MAP2K4: variants seen among roughly 807,000 people sequenced by gnomAD.
MAP2K4 encodes the protein mitogen-activated protein kinase kinase 4, also known as dual specificity mitogen-activated protein kinase kinase 4.
MAP2K4 carries 4 observed loss-of-function variants against 48.5 expected under a neutral mutation model. That is an observed-to-expected ratio of 0.08 (90% confidence interval 0.04 to 0.19). MAP2K4 has a LOEUF of 0.19. Among genes scored for constraint, MAP2K4 ranks in the 10% least tolerant of loss-of-function variants. The pLI is 1.00. For missense variants in MAP2K4, 258 were observed against 493.3 expected, an observed-to-expected ratio of 0.52 and a Z score of 4.52; for synonymous variants, 166 against 173.1, an observed-to-expected ratio of 0.96 and a Z score of 0.32.
At chr17:12,050,210 CGGCAGGG>C (rs1024161383) in intron 1 of MAP2K4, among the ~76,000 whole-genome samples, 19 of 151,982 alleles carry the variant, frequency 1.3e-4, no homozygotes, top group African/African-American at 2.9e-4. Context: ...CATTAGATGG[CGGCAGGG>C]GGCAGGGGGC....
At chr17:12,139,813 A>G (rs752294952) in intron 9 of MAP2K4, 26 bp from the exon 10 acceptor site, 2 of 1,500,006 alleles carry the variant, frequency 1.3e-6, no homozygotes, top group African/African-American at 1.4e-5. Flanking sequence ...CTACATTTTA[A>G]TAATGTTATT....
chr17:12,046,191 C>A (rs1474070990), intron 1 of MAP2K4, among the ~76,000 whole-genome samples: 1 of 152,138 alleles, frequency 6.6e-6, no homozygotes, highest in Admixed American at 6.5e-5. Context: ...CTCCCCTGAA[C>A]CAAAGGTGGA....
intron 1 of MAP2K4, among the ~76,000 whole-genome samples, chr17:12,052,062 TTTCAAG>T (rs1229746217): frequency 1.3e-5 from 2 of 152,162 alleles, no homozygotes; most frequent in African/African-American, 2.4e-5. Flanking sequence ...CAAAACTGCC[TTTCAAG>T]TTCATCTTAA....
intron 3 of MAP2K4, among the ~76,000 whole-genome samples, chr17:12,090,663 TCCCACCCA>T (rs1052232282): frequency 2.6e-5 from 4 of 152,168 alleles, no homozygotes; most frequent in Middle Eastern, 3.4e-3. Context: ...CCCTGTCTCT[TCCCACCCA>T]TGAAAACAAA....
intron 1 of MAP2K4, among the ~76,000 whole-genome samples, chr17:12,037,424 G>C (rs1969635286): frequency 6.6e-6 from 1 of 152,084 alleles, no homozygotes; most frequent in Non-Finnish European, 1.5e-5. Flanking sequence ...GCAAAGGGAA[G>C]GTTAAGTTGT....
intron 1 of MAP2K4, among the ~76,000 whole-genome samples, chr17:12,049,031 A>G (rs924414895): frequency 3.3e-5 from 5 of 152,222 alleles, no homozygotes; most frequent in Admixed American, 2.6e-4. Context: ...AGAAAAGAGA[A>G]TGAAAGTAAG....
chr17:12,058,093 GC>G (rs1479809083), intron 2 of MAP2K4, among the ~76,000 whole-genome samples: 1 of 152,050 alleles, frequency 6.6e-6, no homozygotes, highest in East Asian at 1.9e-4. Flanking sequence ...TATTACCAAT[GC>G]TAGAATTAGT....
At chr17:12,051,148 C>G (rs1314936436) in intron 1 of MAP2K4, among the ~76,000 whole-genome samples, 3 of 152,136 alleles carry the variant, frequency 2.0e-5, no homozygotes, top group Non-Finnish European at 1.5e-5. Flanking sequence ...TCTAATTTTC[C>G]CAGCATGTTG....
chr17:12,123,548 T>C (rs1972760443), intron 7 of MAP2K4, among the ~76,000 whole-genome samples: 2 of 152,152 alleles, frequency 1.3e-5, no homozygotes, highest in Admixed American at 6.5e-5. Flanking sequence ...TTCACGTTAC[T>C]TTTTCTTACG....
At chr17:12,112,294 C>G (rs556814424) in intron 6 of MAP2K4, among the ~76,000 whole-genome samples, 11 of 152,116 alleles carry the variant, frequency 7.2e-5, no homozygotes, top group South Asian at 2.1e-4. Context: ...GAAACCCCAT[C>G]TCTACTAAAA....
intron 2 of MAP2K4, among the ~76,000 whole-genome samples, chr17:12,069,354 G>A (rs955067652): frequency 1.3e-5 from 2 of 152,188 alleles, no homozygotes; most frequent in African/African-American, 4.8e-5. Flanking sequence ...CAGAAAAACT[G>A]TTCTAAGGGT....
intron 9 of MAP2K4, among the ~76,000 whole-genome samples, chr17:12,130,564 T>C (rs1241878727): frequency 2.0e-5 from 3 of 152,228 alleles, no homozygotes; most frequent in Non-Finnish European, 4.4e-5. Flanking sequence ...ATTGGTTTTG[T>C]TCTGTATGTG....
At chr17:12,117,724 T>TA (rs1433126157) in intron 7 of MAP2K4, among the ~76,000 whole-genome samples, 1 of 152,276 alleles carries the variant, frequency 6.6e-6, no homozygotes, top group East Asian at 1.9e-4. Context: ...GGGAAGTGTT[T>TA]ATGTTTATAG....
chr17:12,087,935 G>A (rs1251459160), intron 3 of MAP2K4, among the ~76,000 whole-genome samples: 1 of 151,964 alleles, frequency 6.6e-6, no homozygotes, highest in South Asian at 2.1e-4. Flanking sequence ...TTTCGTGTGT[G>A]ATCTATTTAG....
chr17:12,081,809 G>A lies in MAP2K4; in HGVS notation c.393+279G>A, dbSNP rs953485796. The A allele has an allele frequency of 8.3e-6, 4 of 483,720 alleles. No individual in the cohort carries two copies. The highest frequency in any genetic ancestry group is 5.8e-5 in the African/African-American group (3 of 51,514). 30.0% of individuals were successfully genotyped at this position (483,720 alleles called of 1,614,324 possible). On this transcript the variant is annotated intron_variant, in intron 3 of 10. Coordinates refer to ENST00000353533, the MANE Select transcript of MAP2K4 (RefSeq NM_003010.4). This position sits in a 1 kb window ranked among gnomAD's most constrained non-coding sequence, Gnocchi z 4.2. ...AACTTCAGGCCCTTCTACTGCCAAG[G>A]TGAGTTCAGGCTGGGCGGCTGCACC...
At chr17:12,030,830 GT>G in intron 1 of MAP2K4, among the ~76,000 whole-genome samples, 2 of 152,182 alleles carry the variant, frequency 1.3e-5, no homozygotes, top group East Asian at 3.9e-4. Flanking sequence ...CTTTAAAGTT[GT>G]TTGTTTCCCA....
chr17:12,124,102 A>T (rs987442424), intron 7 of MAP2K4, among the ~76,000 whole-genome samples: 24 of 152,214 alleles, frequency 1.6e-4, no homozygotes, highest in African/African-American at 3.9e-4. Flanking sequence ...TAAATAGCTT[A>T]CAGTGAATTT....
chr17:12,125,222 A>C lies in MAP2K4; in HGVS notation c.814-72A>C. The C allele has an allele frequency of 2.7e-6, 3 of 1,093,308 alleles. No individual in the cohort carries two copies. In the South Asian group the frequency reaches 3.7e-5, roughly 14 times the overall value. The allele number at this position is 1,093,308 out of a possible 1,614,324, so 67.7% of individuals were successfully genotyped here. On this transcript the variant is annotated intron_variant, in intron 7 of 10. Coordinates refer to ENST00000353533, the MANE Select transcript of MAP2K4 (RefSeq NM_003010.4). ...ATACTGGCATTTTGGCTGTCTACCC[A>C]GCTGTTGCTTCCATTTGCCTATTCC...
intron 1 of MAP2K4, among the ~76,000 whole-genome samples, chr17:12,044,847 G>C (rs1969909815): frequency 1.3e-5 from 2 of 152,288 alleles, no homozygotes; most frequent in Admixed American, 6.5e-5. Flanking sequence ...CCTCCTTTGG[G>C]GTTAATTAAT....
Sources: gnomAD v4.1 joint callset for allele counts (sites outside exome capture counted in the v4.1 genomes callset) on GRCh38, gnomAD v4.1.1 for gene constraint, Gnocchi (gnomAD v3.1) non-coding constraint, MANE v1.5 for transcripts, NCBI Gene and HGNC (gene_info 2026-07-23, HGNC 2026-07-21) for gene names.